Variants in PDE1C observed in about 807,000 individuals in gnomAD.
PDE1C encodes dual specificity calcium/calmodulin-dependent 3',5'-cyclic nucleotide phosphodiesterase 1C.
A neutral mutation model predicts 93.1 loss-of-function variants in PDE1C; 62 were observed. The ratio of observed to expected loss-of-function variants is 0.67; its 90% confidence interval spans 0.54 to 0.82. PDE1C has a LOEUF of 0.82. PDE1C is among the 40% of genes least tolerant of loss of function. The probability of loss-of-function intolerance (pLI) is 0.00; values close to 1 mark genes in which losing one functional copy is unlikely to be tolerated. For synonymous variants in PDE1C, 325 were observed against 310.1 expected (o/e 1.05, Z -0.50); for missense variants, 742 against 884.6 (o/e 0.84, Z 2.04).
intron 1 of PDE1C, among the ~76,000 whole-genome samples, chr7:32,319,111 C>T (rs534695636): frequency 6.6e-6 from 1 of 152,352 alleles, no homozygotes; most frequent in Admixed American, 6.5e-5. Context: ...CACCCGGGAG[C>T]TGCAGTCCTC....
chr7:32,265,414 CT>C (rs1407879377), intron 1 of PDE1C, among the ~76,000 whole-genome samples: 2 of 152,146 alleles, frequency 1.3e-5, no homozygotes, highest in African/African-American at 4.8e-5. Flanking sequence ...GTGTCATAGA[CT>C]TAAAGCTGGA....
chr7:32,092,892 A>C (rs1407489733), intron 3 of PDE1C, among the ~76,000 whole-genome samples: 1 of 151,970 alleles, frequency 6.6e-6, no homozygotes, highest in African/African-American at 2.4e-5. Context: ...TTTTTTCCTA[A>C]GGAAAGTTTA....
intron 7 of PDE1C, among the ~76,000 whole-genome samples, chr7:31,863,316 T>C (rs1437891810): frequency 6.6e-6 from 1 of 152,202 alleles, no homozygotes; most frequent in East Asian, 1.9e-4. Context: ...AGGTATTTTA[T>C]TTGATCTAAA....
chr7:31,813,371 A>G (rs77917730), intron 15 of PDE1C, among the ~76,000 whole-genome samples: 4,132 of 152,186 alleles, frequency 0.027, 66 homozygotes, highest in East Asian at 0.068. Context: ...GGTGGGGGAA[A>G]AGTCCTGTGC....
intron 2 of PDE1C, among the ~76,000 whole-genome samples, chr7:32,174,671 C>T (rs1802870269): frequency 6.6e-6 from 1 of 151,790 alleles, no homozygotes; most frequent in African/African-American, 2.4e-5. Context: ...GAATAAAATG[C>T]TACTCATTTA....
intron 1 of PDE1C, among the ~76,000 whole-genome samples, chr7:32,288,484 G>A (rs552890566): frequency 6.6e-6 from 1 of 152,116 alleles, no homozygotes; most frequent in Admixed American, 6.6e-5. Flanking sequence ...TAAACGGTTG[G>A]CCTCATGAAT....
chr7:31,879,236 G>C, intron 3 of PDE1C, 58 bp from the exon 4 acceptor site: 1 of 1,515,928 alleles, frequency 6.6e-7, no homozygotes, highest in Non-Finnish European at 9.0e-7. Flanking sequence ...GGAGCTCTCT[G>C]TTCAAAGCAG....
At chr7:31,755,774 T>C (rs915792130) in intron 17 of PDE1C, among the ~76,000 whole-genome samples, 1 of 152,110 alleles carries the variant, frequency 6.6e-6, no homozygotes, top group Admixed American at 6.6e-5. Flanking sequence ...AAATAAATAA[T>C]TGTGGGAGAA....
chr7:31,882,043 C>T (rs1256922439), intron 2 of PDE1C, among the ~76,000 whole-genome samples: 1 of 152,080 alleles, frequency 6.6e-6, no homozygotes, highest in Admixed American at 6.5e-5. Context: ...TAGACTACTC[C>T]CTTCCTGATT....
At chr7:32,286,282 C>T (rs532809798) in intron 1 of PDE1C, among the ~76,000 whole-genome samples, 36 of 152,362 alleles carry the variant, frequency 2.4e-4, no homozygotes, top group African/African-American at 7.7e-4. Flanking sequence ...CTCCCTCTGA[C>T]ATGTCCCATG....
At chr7:32,333,657 C>G (rs1011848371) in intron 1 of PDE1C, among the ~76,000 whole-genome samples, 1 of 152,198 alleles carries the variant, frequency 6.6e-6, no homozygotes, top group Non-Finnish European at 1.5e-5. Context: ...GATTTAGCCT[C>G]CTTGACTCAG....
intron 3 of PDE1C, among the ~76,000 whole-genome samples, chr7:32,109,419 C>T (rs1386562418): frequency 2.0e-5 from 3 of 152,062 alleles, no homozygotes; most frequent in African/African-American, 7.2e-5. Flanking sequence ...GCACAGAGAG[C>T]CCATCTAATA....
At chr7:31,973,904 T>C (rs1347056732) in intron 2 of PDE1C, among the ~76,000 whole-genome samples, 3 of 152,338 alleles carry the variant, frequency 2.0e-5, no homozygotes, top group East Asian at 3.9e-4. Flanking sequence ...ATAAACTAGA[T>C]AAAGAGACAA....
the PDE1C span, among the ~76,000 whole-genome samples, chr7:31,679,388 T>TA: frequency 6.6e-6 from 1 of 152,240 alleles, no homozygotes; most frequent in Non-Finnish European, 1.5e-5. Context: ...ATGCTGGGTT[T>TA]AAAATTTGCT....
At chr7:31,960,090 G>C (rs1203375420) in intron 2 of PDE1C, among the ~76,000 whole-genome samples, 1 of 152,006 alleles carries the variant, frequency 6.6e-6, no homozygotes, top group Non-Finnish European at 1.5e-5. Flanking sequence ...GGCCAGCCTG[G>C]TCTTGAATCC....
At chr7:32,097,580 G>A (rs1248063331) in intron 3 of PDE1C, among the ~76,000 whole-genome samples, 1 of 152,202 alleles carries the variant, frequency 6.6e-6, no homozygotes, top group Non-Finnish European at 1.5e-5. Context: ...CTATAAATGA[G>A]AGAGAAAATG....
the PDE1C span, among the ~76,000 whole-genome samples, chr7:31,633,322 G>A: frequency 4.8e-3 from 737 of 152,268 alleles, 7 homozygotes; most frequent in African/African-American, 0.017. Flanking sequence ...TAAGGTAGAG[G>A]TGGCCAATAC....
chr7:31,867,564 C>G (rs1795453167), intron 6 of PDE1C, among the ~76,000 whole-genome samples: 1 of 152,148 alleles, frequency 6.6e-6, no homozygotes, highest in Admixed American at 6.5e-5. Context: ...GCCCACCTAG[C>G]CTGTTGTAGC....
chr7:32,142,487 C>A (rs1233428234), intron 3 of PDE1C, among the ~76,000 whole-genome samples: 1 of 152,180 alleles, frequency 6.6e-6, no homozygotes, highest in East Asian at 1.9e-4. Context: ...CAGACACTCA[C>A]CAATCCCACT....
Sources: gnomAD v4.1 joint callset for allele counts (sites outside exome capture counted in the v4.1 genomes callset) on GRCh38, gnomAD v4.1.1 for gene constraint, MANE v1.5 for transcripts, NCBI Gene and HGNC (gene_info 2026-07-23, HGNC 2026-07-21) for gene names.